Variants in TOX observed in about 807,000 individuals in gnomAD.
The protein encoded by TOX is thymocyte selection associated high mobility group box.
TOX carries 11 observed loss-of-function variants against 53.7 expected under a neutral mutation model. That is an observed-to-expected ratio of 0.20 (90% confidence interval 0.13 to 0.34). The LOEUF is 0.34. TOX is among the 10% of genes least tolerant of loss of function. The probability of loss-of-function intolerance (pLI) is 1.00; values close to 1 mark genes in which losing one functional copy is unlikely to be tolerated. For synonymous variants in TOX, 225 were observed against 245.3 expected (o/e 0.92, Z 0.77); for missense variants, 570 against 664.6 (o/e 0.86, Z 1.56).
chr8:58,856,509 T>G (rs1428294185), intron 3 of TOX, among the ~76,000 whole-genome samples: 3 of 152,176 alleles, frequency 2.0e-5, no homozygotes, highest in Non-Finnish European at 4.4e-5. Context: ...GGGAACTTCT[T>G]AGTCACAAGA....
intron 1 of TOX, among the ~76,000 whole-genome samples, chr8:58,981,829 T>G (rs1208002858): frequency 1.3e-5 from 2 of 152,314 alleles, no homozygotes; most frequent in East Asian, 1.9e-4. Context: ...TTTTCTCCAT[T>G]CTTAAGAATA....
chr8:59,021,829 A>C (rs1814141413), intron 1 of TOX, among the ~76,000 whole-genome samples: 1 of 152,094 alleles, frequency 6.6e-6, no homozygotes, highest in Non-Finnish European at 1.5e-5. Flanking sequence ...CTTTTTATTA[A>C]CTTTTCCTGA....
intron 1 of TOX, among the ~76,000 whole-genome samples, chr8:59,110,349 C>T (rs1173558610): frequency 6.6e-6 from 1 of 152,026 alleles, no homozygotes; most frequent in Non-Finnish European, 1.5e-5. Flanking sequence ...GCATTTTAGG[C>T]TGAGGTGTAT....
intron 2 of TOX, among the ~76,000 whole-genome samples, chr8:58,940,047 G>A (rs564960815): frequency 6.6e-5 from 10 of 152,294 alleles, no homozygotes; most frequent in Admixed American, 4.6e-4. Flanking sequence ...GAAAAGAAGC[G>A]ACTTAAACAT....
Position 58,860,895 on chromosome 8 carries a change from T to C in TOX, c.412-9090A>G, listed in dbSNP as rs76309314. Among the ~76,000 whole-genome samples the C allele has an allele frequency of 6.4e-3, 974 of 152,128 alleles. 11 individuals are homozygous for C. The highest frequency in any genetic ancestry group is 0.022 in the African/African-American group (926 of 41,564). ...GGACAGCATTCTTTTCCATCAACTA[T>C]GTACATATAATCTCTCTTTTGGATC... On this transcript the variant is annotated intron_variant, in intron 3 of 8. Coordinates refer to ENST00000361421, the MANE Select transcript of TOX (RefSeq NM_014729.3).
intron 3 of TOX, among the ~76,000 whole-genome samples, chr8:58,881,482 C>T (rs762924224): frequency 7.2e-5 from 11 of 151,898 alleles, no homozygotes; most frequent in Non-Finnish European, 8.8e-5. Context: ...CCCAGCACTT[C>T]GTGAGGCTGA....
intron 3 of TOX, among the ~76,000 whole-genome samples, chr8:58,915,353 C>T (rs1811994779): frequency 1.1e-5 from 1 of 88,594 alleles, no homozygotes; most frequent in Non-Finnish European, 2.2e-5. Context: ...AGCTGGAGAT[C>T]TGAGAACGGG....
intron 3 of TOX, among the ~76,000 whole-genome samples, chr8:58,885,012 T>G (rs1475092709): frequency 2.0e-5 from 3 of 152,064 alleles, no homozygotes; most frequent in Admixed American, 6.6e-5. Context: ...TTCAAAAGAG[T>G]TACCTGTATT....
chr8:58,973,478 G>A lies in TOX; in HGVS notation c.103-13470C>T, dbSNP rs934197539. On this transcript the variant is annotated intron_variant, in intron 1 of 8. Transcript: ENST00000361421. ...CTGAATAAAGCCTCGGAGGCTCCAC[G>A]CATCTGCTATTTTCTCCATAAAACT... 6.6e-5 allele frequency among the ~76,000 whole-genome samples: 10 copies of A among 152,266 alleles called. No homozygotes were observed. In the East Asian group the frequency reaches 7.7e-4, roughly 12 times the overall value.
At chr8:58,977,677 T>G (rs755831310) in intron 1 of TOX, among the ~76,000 whole-genome samples, 1 of 152,178 alleles carries the variant, frequency 6.6e-6, no homozygotes, top group Non-Finnish European at 1.5e-5. Context: ...GGGCTATTAA[T>G]TGGCCCATTT....
intron 1 of TOX, among the ~76,000 whole-genome samples, chr8:59,114,242 TACTA>T (rs1293562078): frequency 1.3e-5 from 2 of 152,212 alleles, no homozygotes; most frequent in East Asian, 1.9e-4. Flanking sequence ...TAATATCATT[TACTA>T]ACTTTTAAAA....
intron 3 of TOX, among the ~76,000 whole-genome samples, chr8:58,937,047 C>T (rs1297761943): frequency 6.6e-6 from 1 of 152,216 alleles, no homozygotes; most frequent in Non-Finnish European, 1.5e-5. Flanking sequence ...TACCCACTGT[C>T]TCACCAACAC....
chr8:58,841,656 C>T (rs952337334), intron 4 of TOX, among the ~76,000 whole-genome samples: 6 of 151,994 alleles, frequency 3.9e-5, no homozygotes, highest in East Asian at 3.9e-4. Context: ...AGGTTTTAAG[C>T]GTTCTCATTT....
intron 1 of TOX, among the ~76,000 whole-genome samples, chr8:59,039,288 T>C (rs1803527494): frequency 1.3e-5 from 2 of 152,256 alleles, no homozygotes; most frequent in Non-Finnish European, 2.9e-5. Context: ...ATTGTTCACA[T>C]ACCTTTATGA....
chr8:59,108,712 T>G (rs1242960093), intron 1 of TOX, among the ~76,000 whole-genome samples: 1 of 136,968 alleles, frequency 7.3e-6, no homozygotes. Context: ...ATCAAAAGAG[T>G]AACAGAAAAT....
At chr8:59,042,883 G>T (rs988791404) in intron 1 of TOX, among the ~76,000 whole-genome samples, 2 of 152,110 alleles carry the variant, frequency 1.3e-5, no homozygotes, top group African/African-American at 4.8e-5. Flanking sequence ...CATATACAAT[G>T]TGGAATGACT....
chr8:58,882,640 A>G (rs534848489), intron 3 of TOX, among the ~76,000 whole-genome samples: 1 of 152,312 alleles, frequency 6.6e-6, no homozygotes, highest in South Asian at 2.1e-4. Context: ...TATAATTTTG[A>G]AAAAATGTTA....
At chr8:59,089,126 A>G (rs538837686) in intron 1 of TOX, among the ~76,000 whole-genome samples, 1 of 152,360 alleles carries the variant, frequency 6.6e-6, no homozygotes, top group East Asian at 1.9e-4. Context: ...GCACGCTAAC[A>G]GAGCTTCATG....
At chr8:58,903,914 C>T (rs1337354150) in intron 3 of TOX, among the ~76,000 whole-genome samples, 2 of 152,152 alleles carry the variant, frequency 1.3e-5, no homozygotes, top group East Asian at 1.9e-4. Context: ...TTCCACTGTG[C>T]TATTGTGTGC....
Sources: allele counts gnomAD v4.1 joint callset (sites outside exome capture counted in the v4.1 genomes callset), GRCh38; gene constraint gnomAD v4.1.1; transcripts MANE v1.5; gene names NCBI Gene and HGNC (gene_info 2026-07-23, HGNC 2026-07-21).